Variants in PUM2 observed in about 807,000 individuals in gnomAD.
PUM2 encodes pumilio homolog 2.
Under a neutral mutation model 124.5 loss-of-function variants are expected in PUM2, and 57 were observed. The observed-to-expected ratio is 0.46, with a 90% confidence interval of 0.37 to 0.57. The LOEUF (loss-of-function observed/expected upper bound fraction) is 0.57. PUM2 is among the 20% of genes least tolerant of loss of function. PUM2 has a pLI of 0.00. For synonymous variants in PUM2, 460 were observed against 446.1 expected (o/e 1.03, Z -0.39); for missense variants, 1,065 against 1,290.6 (o/e 0.83, Z 2.68).
intron 13 of PUM2, among the ~76,000 whole-genome samples, chr2:20,271,240 C>G (rs1261898864): frequency 6.6e-6 from 1 of 152,100 alleles, no homozygotes; most frequent in African/African-American, 2.4e-5. Context: ...CAATTACTTT[C>G]AGTAATTAGA....
chr2:20,315,600 T>C (rs765074083), intron 3 of PUM2, among the ~76,000 whole-genome samples: 6 of 152,084 alleles, frequency 3.9e-5, no homozygotes, highest in Non-Finnish European at 8.8e-5. Flanking sequence ...GGTTTCTCTA[T>C]CATCCATCTT....
At chr2:20,342,761 G>A (rs974599405) in intron 1 of PUM2, among the ~76,000 whole-genome samples, 3 of 152,076 alleles carry the variant, frequency 2.0e-5, no homozygotes, top group African/African-American at 4.8e-5. Context: ...CATGAATTGC[G>A]GTTTTTAAAG....
At chr2:20,339,216 A>C (rs563942563) in intron 1 of PUM2, among the ~76,000 whole-genome samples, 3 of 152,326 alleles carry the variant, frequency 2.0e-5, no homozygotes, top group South Asian at 2.1e-4. Context: ...CTTGCAAATA[A>C]ATTACAGTTA....
At chr2:20,273,466 A>G (rs1558519932) in intron 13 of PUM2, among the ~76,000 whole-genome samples, 1 of 152,232 alleles carries the variant, frequency 6.6e-6, no homozygotes, top group Non-Finnish European at 1.5e-5. Flanking sequence ...ACTTTCTCAG[A>G]CATTAGAACC....
intron 5 of PUM2, among the ~76,000 whole-genome samples, chr2:20,309,969 T>G (rs965839726): frequency 2.0e-5 from 3 of 152,092 alleles, no homozygotes; most frequent in African/African-American, 7.2e-5. Flanking sequence ...CCAAAGGCTC[T>G]TTTTTCATTT....
At chr2:20,331,069 G>A (rs1470594722) in intron 1 of PUM2, among the ~76,000 whole-genome samples, 2 of 152,018 alleles carry the variant, frequency 1.3e-5, no homozygotes, top group South Asian at 2.1e-4. Context: ...GTCAGAAGTG[G>A]GATTTGCTAA....
At chr2:20,292,096 GT>G (rs1295215608) in intron 9 of PUM2, among the ~76,000 whole-genome samples, 1 of 150,120 alleles carries the variant, frequency 6.7e-6, no homozygotes, top group East Asian at 2.0e-4. Flanking sequence ...CCAGGAGGAG[GT>G]TTTTTCATAA....
chr2:20,314,698 TA>T (rs746321704), intron 3 of PUM2, among the ~76,000 whole-genome samples: 38 of 152,340 alleles, frequency 2.5e-4, no homozygotes, highest in Admixed American at 7.8e-4. Context: ...TCCATTTCAG[TA>T]TGTGCATCCA....
rs1270680462 is a variant in PUM2, at chr2:20,290,688, A to G, written c.1255T>C (p.Leu419=). 10 of 1,613,022 alleles carry G rather than the reference A, an allele frequency of 6.2e-6. No individual in the cohort carries two copies. The highest frequency in any genetic ancestry group is 1.6e-4 in the Middle Eastern group (1 of 6,084). ...LAAAAAANPT[L]AFGQGLATGM... is the part of the protein sequence containing the mutation. Reference sequence around the variant, plus strand: ...GTAGCAAGACCCTGACCAAAAGCCAATGTTGGATTTGCTGCTGCAGCTGCC... The same window carrying G: ...GTAGCAAGACCCTGACCAAAAGCCAGTGTTGGATTTGCTGCTGCAGCTGCC... The change falls in exon 10 of 21, where the codon TTG becomes CTG. Residue 419 remains leucine, a synonymous_variant. Coordinates refer to ENST00000361078, the MANE Select transcript of PUM2 (RefSeq NM_015317.5).
chr2:20,259,983 G>C (rs1665776696), intron 15 of PUM2, among the ~76,000 whole-genome samples: 1 of 152,150 alleles, frequency 6.6e-6, no homozygotes, highest in African/African-American at 2.4e-5. Flanking sequence ...ATCTTAGTAG[G>C]TATAAAATGG....
At chr2:20,274,195 T>C (rs544789847) in intron 13 of PUM2, among the ~76,000 whole-genome samples, 13 of 152,262 alleles carry the variant, frequency 8.5e-5, no homozygotes, top group Admixed American at 1.3e-4. Context: ...AAATGAAATA[T>C]GAATATGAAG....
At chr2:20,277,820 A>C (rs182892007) in intron 13 of PUM2, among the ~76,000 whole-genome samples, 13 of 152,150 alleles carry the variant, frequency 8.5e-5, no homozygotes, top group Non-Finnish European at 1.5e-4. Context: ...AATTCAAAAT[A>C]AAGTTTTAAA....
chr2:20,290,851 T>TATTA, intron 9 of PUM2, 61 bp from the exon 10 acceptor site: 3 of 1,308,174 alleles, frequency 2.3e-6, no homozygotes, highest in Non-Finnish European at 3.1e-6. Context: ...TAAATTTATC[T>TATTA]TGGACAACTG....
At chr2:20,262,725 G>A (rs1666600274) in intron 14 of PUM2, among the ~76,000 whole-genome samples, 1 of 152,158 alleles carries the variant, frequency 6.6e-6, no homozygotes, top group Admixed American at 6.5e-5. Flanking sequence ...TAATTCAGAT[G>A]TATCTCTCAT....
intron 14 of PUM2, among the ~76,000 whole-genome samples, chr2:20,262,564 G>C (rs79856715): frequency 0.027 from 4,147 of 152,246 alleles, 214 homozygotes; most frequent in African/African-American, 0.094. Context: ...AGTGATGCAT[G>C]ACTGTATAGG....
At chr2:20,302,537 T>G (rs1338006023) in intron 7 of PUM2, among the ~76,000 whole-genome samples, 1 of 152,214 alleles carries the variant, frequency 6.6e-6, no homozygotes, top group Non-Finnish European at 1.5e-5. Flanking sequence ...ATCATTCTTT[T>G]GGCATTGATT....
chr2:20,350,352 G>C, intron 1 of PUM2: 1 of 603,526 alleles, frequency 1.7e-6, no homozygotes, highest in South Asian at 7.3e-5. Flanking sequence ...CGGCCCCGCA[G>C]AGGGAAGGAA....
In PUM2 at chr2:20,323,766, C is replaced by T. The variant is rs1260553218; in HGVS notation, c.51+3544G>A. Reference sequence around the variant, plus strand: ...TTACACATAAGCTGGTAAATGTTAACAAGGGGATCTGAACCCATATCTACT... The same window carrying T: ...TTACACATAAGCTGGTAAATGTTAATAAGGGGATCTGAACCCATATCTACT... On this transcript the variant is annotated intron_variant, in intron 2 of 20. Coordinates refer to ENST00000361078, the MANE Select transcript of PUM2 (RefSeq NM_015317.5). Among the ~76,000 whole-genome samples, 3 of 151,992 alleles carry T rather than the reference C, an allele frequency of 2.0e-5. No individual in the cohort carries two copies. In the East Asian group the frequency reaches 5.8e-4, roughly 29 times the overall value.
intron 1 of PUM2, among the ~76,000 whole-genome samples, chr2:20,328,736 T>A (rs1423626007): frequency 1.3e-5 from 2 of 152,156 alleles, no homozygotes; most frequent in African/African-American, 4.8e-5. Context: ...GTCAGTGAAC[T>A]TGAAAATATA....
Sources: gnomAD v4.1 joint callset for allele counts (sites outside exome capture counted in the v4.1 genomes callset) on GRCh38, gnomAD v4.1.1 for gene constraint, MANE v1.5 for transcripts, NCBI Gene and HGNC (gene_info 2026-07-23, HGNC 2026-07-21) for gene names.